AFF1: variants seen among roughly 807,000 people sequenced by gnomAD.
The protein encoded by AFF1 is ALF transcription elongation factor 1.
Under a neutral mutation model 121.7 loss-of-function variants are expected in AFF1, and 48 were observed. That is an observed-to-expected ratio of 0.39 (90% CI 0.31 to 0.50). The LOEUF (loss-of-function observed/expected upper bound fraction) is 0.50, where lower values mean the gene tolerates loss of function less well. AFF1 is among the 20% of genes least tolerant of loss of function. The probability of loss-of-function intolerance (pLI) is 0.76; values close to 1 mark genes in which losing one functional copy is unlikely to be tolerated. For missense variants in AFF1, 1,523 were observed against 1,511.7 expected, an observed-to-expected ratio of 1.01 and a Z score of -0.12; for synonymous variants, 613 against 563.0, an observed-to-expected ratio of 1.09 and a Z score of -1.26.
chr4:86,984,036 CAAAA>C (rs918906132), intron 2 of AFF1, among the ~76,000 whole-genome samples: 2 of 148,678 alleles, frequency 1.3e-5, no homozygotes, highest in Non-Finnish European at 1.5e-5. Context: ...GACTCCATCT[CAAAA>C]AAAAAGAAAA....
At chr4:86,996,916 AATTTT>A (rs1303235222) in intron 2 of AFF1, among the ~76,000 whole-genome samples, 3 of 152,008 alleles carry the variant, frequency 2.0e-5, no homozygotes, top group Admixed American at 6.6e-5. Context: ...AATTTAATTT[AATTTT>A]ATTTTTTTGA....
At chr4:87,004,619 A>G (rs1365026463) in intron 2 of AFF1, among the ~76,000 whole-genome samples, 1 of 152,106 alleles carries the variant, frequency 6.6e-6, no homozygotes, top group Non-Finnish European at 1.5e-5. Context: ...ATTTTGGAAT[A>G]TTTGCATTAT....
intron 4 of AFF1, among the ~76,000 whole-genome samples, chr4:87,060,835 CAAAAAAAAAAAAAAAAAA>C (rs749186199): frequency 0.016 from 987 of 62,344 alleles, 17 homozygotes; most frequent in Non-Finnish European, 0.022. Flanking sequence ...GACTCTGTCT[CAAAAAAAAAAAAAAAAAA>C]AAAAAAAAAA....
chr4:86,981,203 A>G (rs1723728931), intron 2 of AFF1, among the ~76,000 whole-genome samples: 1 of 151,860 alleles, frequency 6.6e-6, no homozygotes, highest in South Asian at 2.1e-4. Flanking sequence ...TAGTAGAGAC[A>G]GGGCTTCACC....
chr4:87,118,740 C>T (rs1341267181), intron 12 of AFF1, among the ~76,000 whole-genome samples: 1 of 152,170 alleles, frequency 6.6e-6, no homozygotes, highest in Non-Finnish European at 1.5e-5. Flanking sequence ...ACCTCAGCCT[C>T]CCAAAGCAGT....
chr4:86,974,770 G>T (rs1250738819), intron 2 of AFF1, among the ~76,000 whole-genome samples: 1 of 152,178 alleles, frequency 6.6e-6, no homozygotes, highest in African/African-American at 2.4e-5. Context: ...TTTTGCTCAC[G>T]TTAAGTTAAA....
intron 2 of AFF1, chr4:87,007,347 G>T: frequency 3.7e-6 from 6 of 1,610,696 alleles, no homozygotes; most frequent in Non-Finnish European, 5.1e-6. Context: ...GGCGCTGGCA[G>T]CAGGGCCCGC....
chr4:87,013,901 G>A (rs1022802264), intron 2 of AFF1, among the ~76,000 whole-genome samples: 2 of 152,042 alleles, frequency 1.3e-5, no homozygotes, highest in Non-Finnish European at 1.5e-5. Flanking sequence ...GGCCAGGGGC[G>A]CAGGTACCAT....
chr4:87,119,691 AT>A (rs1727490316), intron 12 of AFF1, among the ~76,000 whole-genome samples: 1 of 152,228 alleles, frequency 6.6e-6, no homozygotes, highest in African/African-American at 2.4e-5. Context: ...TTCCTTTCAA[AT>A]GAAGGATAGT....
chr4:87,080,039 A>G (rs185079070), intron 4 of AFF1, among the ~76,000 whole-genome samples: 2 of 152,342 alleles, frequency 1.3e-5, no homozygotes, highest in Admixed American at 6.5e-5. Context: ...AGTAGCTGCT[A>G]TCATTTTTTT....
intron 2 of AFF1, among the ~76,000 whole-genome samples, chr4:86,959,520 G>T (rs1371822173): frequency 6.8e-6 from 1 of 146,022 alleles, no homozygotes; most frequent in Non-Finnish European, 1.5e-5. Context: ...CAATGTGAGA[G>T]ACTGGTAGAG....
intron 2 of AFF1, among the ~76,000 whole-genome samples, chr4:86,961,543 C>G (rs1722143231): frequency 6.8e-6 from 1 of 146,972 alleles, no homozygotes; most frequent in African/African-American, 2.5e-5. Flanking sequence ...AGTGAAGGAA[C>G]AAAGCTGATT....
intron 2 of AFF1, among the ~76,000 whole-genome samples, chr4:87,022,011 T>C (rs1463684209): frequency 6.6e-6 from 1 of 152,158 alleles, no homozygotes; most frequent in Non-Finnish European, 1.5e-5. Context: ...GAGACCAGCC[T>C]AGCTGACATG....
chr4:87,026,610 G>A (rs1578095364), intron 2 of AFF1, among the ~76,000 whole-genome samples: 1 of 152,292 alleles, frequency 6.6e-6, no homozygotes, highest in East Asian at 1.9e-4. Flanking sequence ...GGGCCCGTTA[G>A]TAGGGAACTG....
At chr4:87,119,757 A>G (rs342437) in intron 12 of AFF1, among the ~76,000 whole-genome samples, 97,810 of 152,102 alleles carry the variant, frequency 0.64, 31,788 homozygotes, top group African/African-American at 0.73. Flanking sequence ...ATTCATTCAA[A>G]TCTTTTTTAC....
intron 8 of AFF1, among the ~76,000 whole-genome samples, chr4:87,104,118 T>C (rs1010108921): frequency 3.3e-5 from 5 of 152,190 alleles, no homozygotes; most frequent in African/African-American, 9.7e-5. Context: ...TGAAAAAATA[T>C]GAATTTAGCT....
chr4:87,056,762 G>A (rs1395333591), intron 4 of AFF1, among the ~76,000 whole-genome samples: 2 of 152,166 alleles, frequency 1.3e-5, no homozygotes, highest in Non-Finnish European at 2.9e-5. Context: ...AAAATCCAAA[G>A]TGTAATCAGT....
chr4:87,075,808 G>A (rs1190571635), intron 4 of AFF1, among the ~76,000 whole-genome samples: 32 of 152,232 alleles, frequency 2.1e-4, no homozygotes. Flanking sequence ...TTACCAATAT[G>A]AGCTGACATA....
chr4:87,100,878 T>C (rs1310469669), intron 8 of AFF1, among the ~76,000 whole-genome samples: 2 of 152,256 alleles, frequency 1.3e-5, no homozygotes, highest in Non-Finnish European at 2.9e-5. Context: ...ATTTACACTC[T>C]TGTGATTTTT....
Sources: allele counts gnomAD v4.1 joint callset (sites outside exome capture counted in the v4.1 genomes callset), GRCh38; gene constraint gnomAD v4.1.1; transcripts MANE v1.5; gene names NCBI Gene and HGNC (gene_info 2026-07-23, HGNC 2026-07-21).